SH3PXD2B: variants seen among roughly 807,000 people sequenced by gnomAD.
SH3PXD2B encodes the protein SH3 and PX domain-containing protein 2B.
In SH3PXD2B, 37 loss-of-function variants were observed where a neutral mutation model predicts 73.1. That is an observed-to-expected ratio of 0.51 (90% CI 0.39 to 0.67). The LOEUF (loss-of-function observed/expected upper bound fraction) is 0.67, where lower values mean the gene tolerates loss of function less well. Among genes scored for constraint, SH3PXD2B ranks in the 30% least tolerant of loss-of-function variants. The pLI is 0.00. For synonymous variants in SH3PXD2B, 457 were observed against 480.5 expected, an observed-to-expected ratio of 0.95 and a Z score of 0.64; for missense variants, 1,053 against 1,197.8, an observed-to-expected ratio of 0.88 and a Z score of 1.78.
chr5:172,374,555 G>A (rs959764598), intron 5 of SH3PXD2B, among the ~76,000 whole-genome samples: 6 of 152,198 alleles, frequency 3.9e-5, no homozygotes, highest in African/African-American at 9.6e-5. Context: ...GATGGCACAT[G>A]CCTGTGGTCC....
chr5:172,433,772 C>T (rs893916119), intron 1 of SH3PXD2B, among the ~76,000 whole-genome samples: 20 of 152,178 alleles, frequency 1.3e-4, no homozygotes, highest in African/African-American at 4.6e-4. Context: ...AGATAAGGTC[C>T]ATCCTACCTT....
intron 12 of SH3PXD2B, among the ~76,000 whole-genome samples, chr5:172,341,467 C>G (rs542160166): frequency 2.0e-5 from 3 of 152,244 alleles, no homozygotes; most frequent in South Asian, 4.2e-4. Flanking sequence ...CTCCTTGCCA[C>G]TCTCTCTTGC....
rs1268362927 is a variant in SH3PXD2B at position 172,339,783 on chromosome 5, G to A, written c.1322C>T (p.Pro441Leu). 1 of 1,613,262 alleles carries A rather than the reference G, an allele frequency of 6.2e-7. No homozygotes were observed. The highest frequency in any genetic ancestry group is 8.5e-7 in the Non-Finnish European group (1 of 1,179,212). The stretch of plus-strand genomic sequence containing the variant: ...CAGCCGGAGCTGGGTCACCTCGTGG[G>A]GCAGGGGAGCCAGAAAGTTGGGTCT... ...ASRPNFLAPLPHEVTQLRLGE... is the reference protein window; with the variant it reads ...ASRPNFLAPLLHEVTQLRLGE... Residue 441 changes from proline to leucine, a missense_variant, in exon 13 of 13, where the codon CCC becomes CTC. Around this residue, in one of 2 missense-constraint regions of SH3PXD2B, gnomAD observed 466 missense variants for 607.1 expected, o/e 0.77. Transcript: ENST00000311601. The surrounding 1 kb of genome is among the most constrained non-coding windows in gnomAD (Gnocchi z 6.1).
intron 11 of SH3PXD2B, among the ~76,000 whole-genome samples, 158 bp downstream of exon 11, chr5:172,347,125 C>T (rs996864377): frequency 2.0e-5 from 3 of 152,120 alleles, no homozygotes; most frequent in Admixed American, 6.5e-5. Context: ...TTTCCACCTG[C>T]GAGTGGGACT....
chr5:172,450,784 C>A (rs1759777647), intron 1 of SH3PXD2B, among the ~76,000 whole-genome samples: 2 of 152,200 alleles, frequency 1.3e-5, no homozygotes, highest in African/African-American at 4.8e-5. Flanking sequence ...GACAAGCTAG[C>A]TGGGGAGGGT....
At chr5:172,343,242 T>C (rs1243692499) in intron 12 of SH3PXD2B, among the ~76,000 whole-genome samples, 1 of 152,182 alleles carries the variant, frequency 6.6e-6, no homozygotes, top group African/African-American at 2.4e-5. Flanking sequence ...CAACGCTTGA[T>C]AGCTCTGGTA....
chr5:172,347,534 C>T (rs1757024402), intron 10 of SH3PXD2B, among the ~76,000 whole-genome samples: 1 of 151,992 alleles, frequency 6.6e-6, no homozygotes, highest in Admixed American at 6.5e-5. Flanking sequence ...CTCGACGTAG[C>T]TTTTCTTGCA....
At chr5:172,358,959 C>G in intron 7 of SH3PXD2B, 82 bp from the exon 8 acceptor site, 1 of 1,310,786 alleles carries the variant, frequency 7.6e-7, no homozygotes. Context: ...TATTCAGCCA[C>G]TGTACCAGTG....
In SH3PXD2B at chr5:172,337,153, A is replaced by C; in HGVS notation, c.*1216T>G. ...ACCCTGGCATTCTCCTGTCATGGAGATGCAGCTGTTGAGTCCAGGGCAGCC... is the reference window on the plus strand; with the variant it reads ...ACCCTGGCATTCTCCTGTCATGGAGCTGCAGCTGTTGAGTCCAGGGCAGCC... On this transcript the variant is annotated 3_prime_UTR_variant, in exon 13 of 13. Transcript: ENST00000311601. The C allele has an allele frequency of 4.1e-6, 4 of 985,528 alleles. No homozygotes were observed. The highest frequency in any genetic ancestry group is 4.8e-6 in the Non-Finnish European group (4 of 830,020). The allele number at this position is 985,528 out of a possible 1,614,324, so 61.0% of individuals were successfully genotyped here. A position where few individuals can be genotyped will look rare whatever the true frequency, so the allele number is the denominator to read the frequency against.
chr5:172,434,456 A>G (rs968257606), intron 1 of SH3PXD2B, among the ~76,000 whole-genome samples: 7 of 152,124 alleles, frequency 4.6e-5, no homozygotes, highest in Non-Finnish European at 7.4e-5. Flanking sequence ...CCAGAACTCC[A>G]TCGATACGCT....
rs574249292 is a variant in SH3PXD2B, at chr5:172,327,087, T to C, written c.1189-1707A>G. ...GTTGGCCACGCTGGTCTCGAACTCC[T>C]GACCTCAGGTGATCCGCCCGCCACG... is the stretch of plus-strand genomic sequence containing the variant. On this transcript the variant is annotated intron_variant, in intron 12 of 12. Coordinates refer to the SH3PXD2B transcript ENST00000519643. Among the ~76,000 whole-genome samples the C allele has an allele frequency of 2.6e-3, 391 of 152,206 alleles. 2 individuals are homozygous for C. Among genetic ancestry groups the C allele is most frequent in the African/African-American group, 8.8e-3 (364 of 41,526 alleles).
chr5:172,332,828 T>C (rs1756585983), downstream of SH3PXD2B, among the ~76,000 whole-genome samples: 1 of 151,872 alleles, frequency 6.6e-6, no homozygotes, highest in Non-Finnish European at 1.5e-5. Flanking sequence ...TTTGGGAAAG[T>C]AGTAAAACGT....
chr5:172,423,367 A>G (rs1201236817), intron 1 of SH3PXD2B, among the ~76,000 whole-genome samples: 1 of 152,164 alleles, frequency 6.6e-6, no homozygotes, highest in Non-Finnish European at 1.5e-5. Flanking sequence ...GGAAACAAAG[A>G]AATGTCATAG....
chr5:172,453,695 T>C (rs973842184), intron 1 of SH3PXD2B, among the ~76,000 whole-genome samples: 4 of 152,226 alleles, frequency 2.6e-5, no homozygotes, highest in African/African-American at 9.6e-5. Context: ...CAGAAGTTAC[T>C]GGAGAGAGGG....
chr5:172,410,499 G>A (rs1288124785), intron 2 of SH3PXD2B, among the ~76,000 whole-genome samples: 1 of 152,054 alleles, frequency 6.6e-6, no homozygotes, highest in Non-Finnish European at 1.5e-5. Flanking sequence ...AATAAAAACG[G>A]GCTGAACTTG....
chr5:172,403,605 A>C lies in SH3PXD2B; in HGVS notation c.232+2672T>G, dbSNP rs375730474. Among the ~76,000 whole-genome samples, 29 of 152,298 alleles carry C rather than the reference A, an allele frequency of 1.9e-4. 1 individual carries two copies. The East Asian group carries it at 5.4e-3, about 28-fold the overall frequency. ...GTGGAGATGGATTACGTAACCATGA[A>C]AGCTTTTAAGAGCTTGGGAGAGGGT... On this transcript the variant is annotated intron_variant, in intron 3 of 12. Transcript: ENST00000311601.
chr5:172,376,030 CTT>C (rs371476674), intron 5 of SH3PXD2B, among the ~76,000 whole-genome samples: 27 of 136,084 alleles, frequency 2.0e-4, no homozygotes, highest in Admixed American at 3.7e-4. Context: ...CATGTATCTT[CTT>C]TTTTTTTTTT....
intron 12 of SH3PXD2B, among the ~76,000 whole-genome samples, chr5:172,325,971 G>C (rs1756440477): frequency 6.6e-6 from 1 of 152,164 alleles, no homozygotes; most frequent in Admixed American, 6.5e-5. Flanking sequence ...ATTTTTAGTA[G>C]AGACAGGGTT....
In SH3PXD2B at chr5:172,339,566, G is replaced by A; in HGVS notation, c.1539C>T (p.Asp513=). ...GGCTGGGCTTCTCCTCCATGTCGGG[G>A]TCTGAGATCTCCTCGTAGCCTGCTG... The part of the protein sequence containing the change: ...SASAGYEEIS[D]PDMEEKPSLP... Residue 513 remains aspartate (D), a synonymous_variant, in exon 13 of 13, where the codon GAC becomes GAT. Transcript: ENST00000311601. The surrounding 1 kb of genome is among the most constrained non-coding windows in gnomAD (Gnocchi z 6.1). 6.2e-7 allele frequency: 1 copy of A among 1,614,242 alleles called. No individual in the cohort carries two copies. Among genetic ancestry groups the A allele is most frequent in the Admixed American group, 1.7e-5 (1 of 60,038 alleles).
Sources: gnomAD v4.1 joint callset for allele counts (sites outside exome capture counted in the v4.1 genomes callset) on GRCh38, gnomAD v4.1.1 for gene constraint, gnomAD v4.1.1 regional missense constraint, Gnocchi (gnomAD v3.1) non-coding constraint, MANE v1.5 for transcripts, NCBI Gene and HGNC (gene_info 2026-07-23, HGNC 2026-07-21) for gene names.